Variants in CTBP2 observed in about 807,000 individuals in gnomAD.
CTBP2 encodes C-terminal-binding protein 2.
CTBP2 carries 30 observed loss-of-function variants against 80.3 expected under a neutral mutation model. The observed-to-expected ratio is 0.37, with a 90% CI of 0.28 to 0.51. CTBP2 has a LOEUF of 0.51. Ranked by LOEUF, CTBP2 falls within the 20% of genes least tolerant of loss-of-function variation. The pLI, the probability that CTBP2 is intolerant of heterozygous loss-of-function variation, is 0.93. For missense variants in CTBP2, 1,212 were observed against 1,375.3 expected (o/e 0.88, Z 1.88); for synonymous variants, 594 against 587.4 (o/e 1.01, Z -0.16).
At chr10:125,039,268 AT>A (rs1813821425) in intron 2 of CTBP2, 113 bp from the exon 3 acceptor site, 2 of 478,868 alleles carry the variant, frequency 4.2e-6, no homozygotes, top group South Asian at 6.7e-5. Context: ...ATGCGGACAC[AT>A]GGGACTTGCT....
chr10:125,005,470 C>G lies in CTBP2; in HGVS notation c.1679-1978G>C, dbSNP rs138269519. The G allele has an allele frequency of 5.3e-4, 758 of 1,426,986 alleles. 2 individuals carry two copies. The highest frequency in any genetic ancestry group is 4.9e-3 in the African/African-American group (344 of 70,722). The allele number at this position is 1,426,986 out of a possible 1,614,324, so 88.4% of individuals were successfully genotyped here. ...TCCGCATGGATCCGCACTCCAACAT[C>G]CTTCTGCACCAGGAAAACAGGGCAG... is the stretch of plus-strand genomic sequence containing the variant. On this transcript the variant is annotated intron_variant, in intron 1 of 8. Transcript: ENST00000309035.
At chr10:125,157,877 G>A (rs1468988724) in intron 1 of CTBP2, among the ~76,000 whole-genome samples, 1 of 152,066 alleles carries the variant, frequency 6.6e-6, no homozygotes, top group Non-Finnish European at 1.5e-5. Context: ...CTTTTCTTTT[G>A]GGGGCAATAA....
chr10:125,072,988 T>C (rs992258454), intron 2 of CTBP2, among the ~76,000 whole-genome samples: 2 of 152,202 alleles, frequency 1.3e-5, no homozygotes, highest in Non-Finnish European at 2.9e-5. Flanking sequence ...TAAATAGAGA[T>C]GACAGAATGG....
intron 1 of CTBP2, among the ~76,000 whole-genome samples, chr10:125,018,359 T>C (rs149851345): frequency 2.0e-5 from 3 of 152,206 alleles, no homozygotes; most frequent in East Asian, 3.9e-4. Flanking sequence ...ATCCCATCTC[T>C]ACTAATACAA....
chr10:125,131,817 A>G (rs1164455348), intron 1 of CTBP2, among the ~76,000 whole-genome samples: 1 of 152,176 alleles, frequency 6.6e-6, no homozygotes, highest in South Asian at 2.1e-4. Flanking sequence ...TCAACAGGAG[A>G]AAAACTGAGC....
In CTBP2 at chr10:125,027,239, G is replaced by A. The variant is rs1223933881; in HGVS notation, c.521C>T (p.Pro174Leu). 1 of 1,613,596 alleles carries A rather than the reference G, an allele frequency of 6.2e-7. No individual in the cohort carries two copies. The highest frequency in any genetic ancestry group is 2.2e-5 in the East Asian group (1 of 44,874). ...CCTGCTCTGTGTCTGCCGCCCCTGA[G>A]GGATCATTTTACCTCCAGGATCCCG... Residue 174 changes from proline (P) to leucine (L), a missense_variant, in exon 1 of 9, where the codon CCT (proline) becomes CTT (leucine). Physicochemically the swap from Pro to Leu is moderately conservative, Grantham distance 98. Around this residue, in one of 3 missense-constraint regions of CTBP2, gnomAD observed 848 missense variants for 782.3 expected, o/e 1.08. Coordinates refer to ENST00000309035, the MANE Select transcript of CTBP2 (RefSeq NM_022802.3).
At chr10:125,009,907 T>C (rs1412751509) in intron 1 of CTBP2, among the ~76,000 whole-genome samples, 1 of 152,176 alleles carries the variant, frequency 6.6e-6, no homozygotes, top group East Asian at 1.9e-4. Context: ...TGTAAACATG[T>C]TTAACCATGT....
chr10:125,016,669 G>C (rs1956527531), intron 1 of CTBP2, among the ~76,000 whole-genome samples: 1 of 152,234 alleles, frequency 6.6e-6, no homozygotes, highest in Non-Finnish European at 1.5e-5. Context: ...CTGCTGTCCG[G>C]CAGGCCAAGG....
intron 1 of CTBP2, among the ~76,000 whole-genome samples, chr10:125,148,137 A>C (rs1339994108): frequency 6.6e-6 from 1 of 152,148 alleles, no homozygotes; most frequent in Non-Finnish European, 1.5e-5. Context: ...GGAGGGCAGG[A>C]CCATCTCTCC....
intron 1 of CTBP2, among the ~76,000 whole-genome samples, chr10:125,118,625 C>A (rs543008176): frequency 2.0e-5 from 3 of 151,508 alleles, no homozygotes; most frequent in Non-Finnish European, 2.9e-5. Context: ...TGCACCCCCA[C>A]ACACCTGTAC....
At position 125,155,920 on chromosome 10, in the gene CTBP2, C is replaced by T. The variant is rs144969461; in HGVS notation, c.-206+4399G>A. 4.6e-3 allele frequency among the ~76,000 whole-genome samples: 702 copies of T among 152,286 alleles called. 5 individuals are homozygous for T. The highest frequency in any genetic ancestry group is 0.014 in the African/African-American group (596 of 41,564). Reference sequence around the variant, plus strand: ...GTCTCTAAAAGTGTATCCATTCCAGCATTTCATGTGCCCACTAAAAGTTTT... The same window carrying T: ...GTCTCTAAAAGTGTATCCATTCCAGTATTTCATGTGCCCACTAAAAGTTTT... On this transcript the variant is annotated intron_variant, in intron 1 of 10. Transcript: ENST00000337195.
chr10:125,012,302 A>C (rs1447662271), intron 1 of CTBP2, among the ~76,000 whole-genome samples: 2 of 152,198 alleles, frequency 1.3e-5, no homozygotes, highest in Admixed American at 6.5e-5. Flanking sequence ...TGTGGCTCCC[A>C]CTGGGTGAGG....
chr10:125,085,951 GC>G (rs1411407028), intron 2 of CTBP2, among the ~76,000 whole-genome samples: 1 of 152,222 alleles, frequency 6.6e-6, no homozygotes, highest in Admixed American at 6.5e-5. Flanking sequence ...ACTGGCTCCT[GC>G]CCTGGGTACA....
At chr10:125,088,879 T>C (rs1228835483) in intron 2 of CTBP2, among the ~76,000 whole-genome samples, 2 of 152,202 alleles carry the variant, frequency 1.3e-5, no homozygotes, top group Non-Finnish European at 2.9e-5. Context: ...CTCTCTGTCC[T>C]CCCAAAGAGA....
intron 8 of CTBP2, among the ~76,000 whole-genome samples, chr10:124,990,045 T>G (rs1170759033): frequency 6.7e-6 from 1 of 149,804 alleles, no homozygotes; most frequent in Non-Finnish European, 1.5e-5. Flanking sequence ...GCTAATAGTT[T>G]TTTTTTTTTT....
intron 1 of CTBP2, among the ~76,000 whole-genome samples, chr10:125,122,011 C>A (rs189550253): frequency 6.6e-6 from 1 of 152,340 alleles, no homozygotes; most frequent in African/African-American, 2.4e-5. Flanking sequence ...GCCTGTGAAC[C>A]AAGAGACCTT....
At position 124,994,410 on chromosome 10, in the gene CTBP2, C is replaced by T. The variant is rs1486253715; in HGVS notation, c.2400+59G>A. On this transcript the variant is annotated intron_variant, in intron 5 of 8. Transcript: ENST00000309035. ...TTGCCCTCCGTGTCCCTCTTGTGCC[C>T]ACAAGCAAGTGCTACCACCTTTCGA... is the stretch of plus-strand genomic sequence containing the variant. 4 of 1,554,298 alleles carry T rather than the reference C, an allele frequency of 2.6e-6. No homozygotes were observed. The Admixed American group carries it at 6.9e-5, about 27-fold the overall frequency.
At chr10:125,119,292 GT>G (rs1853909478) in intron 1 of CTBP2, among the ~76,000 whole-genome samples, 1 of 152,234 alleles carries the variant, frequency 6.6e-6, no homozygotes, top group Admixed American at 6.5e-5. Flanking sequence ...GCTCTGAGGA[GT>G]CAGCGAGGGT....
intron 2 of CTBP2, among the ~76,000 whole-genome samples, chr10:125,061,774 G>A (rs61870344): frequency 0.14 from 21,056 of 152,000 alleles, 1,743 homozygotes; most frequent in African/African-American, 0.22. Context: ...ACCTCCTCAC[G>A]GTCACTGCAA....
Sources: gnomAD v4.1 joint callset for allele counts (sites outside exome capture counted in the v4.1 genomes callset) on GRCh38, gnomAD v4.1.1 for gene constraint, gnomAD v4.1.1 regional missense constraint, MANE v1.5 for transcripts, NCBI Gene and HGNC (gene_info 2026-07-23, HGNC 2026-07-21) for gene names.